LPA: variants seen among roughly 807,000 people sequenced by gnomAD.
The protein encoded by LPA is apolipoprotein(a).
LPA carries 199 observed loss-of-function variants against 197.9 expected under a neutral mutation model. That is an observed-to-expected ratio of 1.01 (90% CI 0.90 to 1.13). The LOEUF (loss-of-function observed/expected upper bound fraction) is 1.13, where lower values mean the gene tolerates loss of function less well. Ranked by LOEUF, LPA falls within the 50% of genes most tolerant of loss-of-function variation. LPA has a pLI of 0.00. For missense variants in LPA, 1,853 were observed against 1,785.8 expected (o/e 1.04, Z -0.68); for synonymous variants, 715 against 639.5 (o/e 1.12, Z -1.78).
chr6:160,592,436 A>T (rs757954113), intron 22 of LPA, among the ~76,000 whole-genome samples: 5 of 152,120 alleles, frequency 3.3e-5, no homozygotes, highest in Admixed American at 6.6e-5. Context: ...CATTTCTCTC[A>T]TGGTCAGCTT....
intron 22 of LPA, among the ~76,000 whole-genome samples, chr6:160,592,362 C>G (rs920953201): frequency 6.6e-6 from 1 of 152,102 alleles, no homozygotes; most frequent in Admixed American, 6.5e-5. Context: ...ACAGATATAA[C>G]TTTTCTCAGT....
At chr6:160,564,754 A>G (rs995109271) in intron 28 of LPA, among the ~76,000 whole-genome samples, 1 of 152,140 alleles carries the variant, frequency 6.6e-6, no homozygotes, top group African/African-American at 2.4e-5. Flanking sequence ...TAGCCAAGGG[A>G]AGCCATGACA....
intron 23 of LPA, 21 bp from the exon 24 acceptor site, chr6:160,589,733 A>G: frequency 6.2e-7 from 1 of 1,613,546 alleles, no homozygotes. Flanking sequence ...AAGAGGAGAA[A>G]ACAAACTGAG....
intron 24 of LPA, among the ~76,000 whole-genome samples, chr6:160,588,115 G>T (rs949013460): frequency 2.0e-5 from 3 of 152,102 alleles, no homozygotes; most frequent in Admixed American, 1.3e-4. Flanking sequence ...GCCTGTTTGT[G>T]TTGAGTGATT....
At chr6:160,569,213 T>G (rs2115022685) in intron 28 of LPA, among the ~76,000 whole-genome samples, 1 of 152,280 alleles carries the variant, frequency 6.6e-6, no homozygotes, top group African/African-American at 2.4e-5. Flanking sequence ...GAGGCATCAC[T>G]CTGCCTGACT....
At chr6:160,603,520 T>A (rs1779285916) in intron 18 of LPA, among the ~76,000 whole-genome samples, 1 of 152,230 alleles carries the variant, frequency 6.6e-6, no homozygotes, top group South Asian at 2.1e-4. Flanking sequence ...TCCGTATTCA[T>A]GTTTTCTTAA....
chr6:160,585,760 G>A (rs893967355), intron 25 of LPA, among the ~76,000 whole-genome samples: 7 of 152,108 alleles, frequency 4.6e-5, no homozygotes, highest in Admixed American at 6.6e-5. Flanking sequence ...TATAGCCTAG[G>A]AGGGGAGACA....
chr6:160,565,924 T>C (rs1244656669), intron 28 of LPA, among the ~76,000 whole-genome samples: 1 of 152,090 alleles, frequency 6.6e-6, no homozygotes, highest in Admixed American at 6.6e-5. Flanking sequence ...GAAGAAAGGG[T>C]ATCAGTGATT....
At chr6:160,605,606 G>A (rs766332752) in intron 17 of LPA, among the ~76,000 whole-genome samples, 2 of 152,186 alleles carry the variant, frequency 1.3e-5, no homozygotes, top group Non-Finnish European at 2.9e-5. Flanking sequence ...GGGGGTACAG[G>A]CCATACATGG....
intron 1 of LPA, among the ~76,000 whole-genome samples, chr6:160,654,212 A>C (rs1344485895): frequency 7.0e-6 from 1 of 142,434 alleles, no homozygotes; most frequent in Non-Finnish European, 1.5e-5. Context: ...AGCCAGTCCA[A>C]CTCCCAACGC....
At chr6:160,640,579 C>A (rs142083162) in intron 5 of LPA, 88 bp downstream of exon 5, 10,956 of 99,502 alleles carry the variant, frequency 0.11, 12 homozygotes, top group East Asian at 0.27. Context: ...CATCCGTTTA[C>A]CATTGAAGGC....
At chr6:160,566,860 C>G (rs1445097999) in intron 28 of LPA, among the ~76,000 whole-genome samples, 1 of 152,184 alleles carries the variant, frequency 6.6e-6, no homozygotes, top group African/African-American at 2.4e-5. Flanking sequence ...TCTGATAAAA[C>G]AGACTTTAAA....
At chr6:160,546,245 G>T (rs1022092275) in intron 32 of LPA, among the ~76,000 whole-genome samples, 1 of 152,138 alleles carries the variant, frequency 6.6e-6, no homozygotes, top group Non-Finnish European at 1.5e-5. Flanking sequence ...GCCGATCACC[G>T]ATGGCCAATG....
chr6:160,611,721 G>C lies in LPA; in HGVS notation c.2444C>G (p.Ala815Gly), dbSNP rs768841851. The part of the protein sequence containing the change: ...VPSLEAPSEQ[A>G]PTEQRPGVQE... ...CACCCCAGGCCTCTGCTCAGTCGGT[G>C]CTGAAATGAAAACACAAGAAATAAA... is the stretch of plus-strand genomic sequence containing the variant. Residue 815 changes from alanine to glycine, a missense_variant and splice_region_variant, in exon 16 of 39, where the codon GCA (alanine) becomes GGA (glycine). Ala to Gly is a moderately conservative substitution (Grantham distance 60). Transcript: ENST00000316300. 2.7e-6 allele frequency: 4 copies of C among 1,500,334 alleles called. No individual in the cohort carries two copies. The highest frequency in any genetic ancestry group is 1.8e-6 in the Non-Finnish European group (2 of 1,099,864). The allele number at this position is 1,500,334 out of a possible 1,614,324, so 92.9% of individuals were successfully genotyped here.
At chr6:160,570,170 A>G (rs1045784216) in intron 28 of LPA, among the ~76,000 whole-genome samples, 1 of 152,266 alleles carries the variant, frequency 6.6e-6, no homozygotes, top group African/African-American at 2.4e-5. Flanking sequence ...ATGCTGCTAT[A>G]AAGACACATG....
intron 25 of LPA, among the ~76,000 whole-genome samples, chr6:160,585,726 G>A (rs1778898490): frequency 1.3e-5 from 2 of 152,226 alleles, no homozygotes; most frequent in East Asian, 1.9e-4. Context: ...GCCTCTCAGG[G>A]AGAAGGAGTA....
At chr6:160,566,262 A>G (rs1778452686) in intron 28 of LPA, among the ~76,000 whole-genome samples, 1 of 152,148 alleles carries the variant, frequency 6.6e-6, no homozygotes, top group Non-Finnish European at 1.5e-5. Context: ...TTACCCACAA[A>G]GGGAAGCCCA....
intron 18 of LPA, 136 bp from the exon 19 acceptor site, chr6:160,601,234 C>T: frequency 1.3e-6 from 1 of 744,990 alleles, no homozygotes; most frequent in Non-Finnish European, 2.4e-6. Flanking sequence ...GCCACAATGA[C>T]AAATGGCTCT....
intron 28 of LPA, among the ~76,000 whole-genome samples, chr6:160,569,402 A>G (rs931994404): frequency 2.6e-5 from 4 of 152,028 alleles, no homozygotes; most frequent in African/African-American, 9.7e-5. Flanking sequence ...TATTTAATAC[A>G]TGGTGCTGGG....
Sources: gnomAD v4.1 joint callset for allele counts (sites outside exome capture counted in the v4.1 genomes callset) on GRCh38, gnomAD v4.1.1 for gene constraint, MANE v1.5 for transcripts, NCBI Gene and HGNC (gene_info 2026-07-23, HGNC 2026-07-21) for gene names.